The following PREP variants were observed in gnomAD, a reference collection of about 807,000 sequenced individuals.
The protein encoded by PREP is dJ355L5.1 (prolyl endopeptidase).
PREP carries 29 observed loss-of-function variants against 87.6 expected under a neutral mutation model. That is an observed-to-expected ratio of 0.33 (90% CI 0.25 to 0.45). PREP has a LOEUF of 0.45. PREP is among the 20% of genes least tolerant of loss of function. The pLI is 1.00. For missense variants in PREP, 695 were observed against 886.5 expected (o/e 0.78, Z 2.74); for synonymous variants, 337 against 328.6 (o/e 1.03, Z -0.28).
intron 10 of PREP, among the ~76,000 whole-genome samples, chr6:105,291,155 A>G (rs1770289695): frequency 6.6e-6 from 1 of 152,236 alleles, no homozygotes; most frequent in Non-Finnish European, 1.5e-5. Flanking sequence ...CTGAGACTTC[A>G]GCAAGTCATA....
At chr6:105,387,564 G>A (rs1195990166) in intron 2 of PREP, among the ~76,000 whole-genome samples, 1 of 144,930 alleles carries the variant, frequency 6.9e-6, no homozygotes, top group Admixed American at 7.1e-5. Flanking sequence ...AATTGTCACA[G>A]GCCACACATA....
At chr6:105,329,746 C>G (rs192022927) in intron 8 of PREP, among the ~76,000 whole-genome samples, 27 of 152,278 alleles carry the variant, frequency 1.8e-4, no homozygotes, top group Admixed American at 1.2e-3. Flanking sequence ...GCTAGAGAGA[C>G]AAGTAGTAAG....
At chr6:105,314,901 T>C (rs1346147838) in intron 10 of PREP, among the ~76,000 whole-genome samples, 3 of 152,192 alleles carry the variant, frequency 2.0e-5, no homozygotes, top group East Asian at 1.9e-4. Context: ...AAATTACTCC[T>C]TCATCCATGG....
chr6:105,284,417 C>T (rs752110951), intron 12 of PREP, among the ~76,000 whole-genome samples: 8 of 152,056 alleles, frequency 5.3e-5, no homozygotes, highest in Non-Finnish European at 1.2e-4. Flanking sequence ...CCCTCATGTT[C>T]GCTGATTTGA....
chr6:105,372,979 C>T (rs926059537), intron 5 of PREP, among the ~76,000 whole-genome samples: 8 of 152,190 alleles, frequency 5.3e-5, no homozygotes, highest in African/African-American at 7.2e-5. Context: ...CATTCAGCTC[C>T]CCGTCTTGCA....
chr6:105,333,064 C>T (rs1234620616), intron 8 of PREP, among the ~76,000 whole-genome samples: 3 of 152,178 alleles, frequency 2.0e-5, no homozygotes, highest in Non-Finnish European at 4.4e-5. Flanking sequence ...AAAAGCAGTA[C>T]TTTGGAAGTC....
chr6:105,338,616 G>T (rs951113077), intron 7 of PREP, among the ~76,000 whole-genome samples: 2 of 152,212 alleles, frequency 1.3e-5, no homozygotes, highest in Non-Finnish European at 2.9e-5. Context: ...AATGCAAGGG[G>T]TCGGGTAATT....
intron 9 of PREP, 102 bp from the exon 10 acceptor site, chr6:105,323,870 G>T: frequency 2.0e-6 from 2 of 988,692 alleles, no homozygotes; most frequent in Non-Finnish European, 3.2e-6. Flanking sequence ...GGCAAGAGAG[G>T]ATCATTTATC....
rs148525483 is a variant in PREP at position 105,294,847 on chromosome 6, T to G, written c.1318-5953A>C. Among the ~76,000 whole-genome samples, 1,012 of 152,338 alleles carry G rather than the reference T, an allele frequency of 6.6e-3. 4 individuals carry two copies. Among genetic ancestry groups the G allele is most frequent in the Non-Finnish European group, 0.011 (744 of 68,032 alleles). The stretch of plus-strand genomic sequence containing the variant: ...CTTTTATTTTTTTAAAAAACTCTTA[T>G]GAAGACGTTCAGTTCTTTATATTCT... On this transcript the variant is annotated intron_variant, in intron 10 of 14. Coordinates refer to ENST00000652536, the MANE Select transcript of PREP (RefSeq NM_002726.5).
rs758289427 is a variant in PREP, at chr6:105,276,410, T to G, written c.*1734A>C. ...AAGTATGGTTAGATTCTGTGCAACC[T>G]TGAAAATGCTCTGGACTCAGTGGGT... On this transcript the variant is annotated 3_prime_UTR_variant, in exon 15 of 15. Coordinates refer to ENST00000652536, the MANE Select transcript of PREP (RefSeq NM_002726.5). 6.6e-6 allele frequency among the ~76,000 whole-genome samples: 1 copy of G among 152,248 alleles called. No homozygotes were observed. The highest frequency in any genetic ancestry group is 1.5e-5 in the Non-Finnish European group (1 of 68,036).
chr6:105,381,199 A>G (rs1238601486), intron 2 of PREP, among the ~76,000 whole-genome samples: 2 of 152,362 alleles, frequency 1.3e-5, no homozygotes, highest in East Asian at 3.9e-4. Context: ...GTAAAACCAG[A>G]GTGTCCAAAT....
intron 2 of PREP, among the ~76,000 whole-genome samples, chr6:105,384,524 G>T (rs2114722154): frequency 6.6e-6 from 1 of 152,294 alleles, no homozygotes; most frequent in Non-Finnish European, 1.5e-5. Flanking sequence ...TAGATAATGT[G>T]ACAGACACCT....
intron 1 of PREP, among the ~76,000 whole-genome samples, chr6:105,402,418 T>TCA (rs36086068): frequency 0.12 from 17,833 of 147,116 alleles, 1,109 homozygotes; most frequent in South Asian, 0.18. Flanking sequence ...AAATGTGACA[T>TCA]CACACACACA....
chr6:105,402,615 C>T lies in PREP; in HGVS notation c.45+232G>A, dbSNP rs993783773. ...CCATTGATTCTAGGAAGCGGCCGGG[C>T]GGCGCTGCCCACAGGCTCCGCCGCC... On this transcript the variant is annotated intron_variant, in intron 1 of 14. Coordinates refer to ENST00000652536, the MANE Select transcript of PREP (RefSeq NM_002726.5). 5.3e-5 allele frequency among the ~76,000 whole-genome samples: 8 copies of T among 152,264 alleles called. No homozygotes were observed. The East Asian group carries it at 1.4e-3, about 26-fold the overall frequency.
In PREP at chr6:105,278,003, C is replaced by CGGCAGTTCT. The variant is rs1769983237; in HGVS notation, c.*132_*140dup. 20 of 1,165,014 alleles carry CGGCAGTTCT rather than the reference C, an allele frequency of 1.7e-5. No individual in the cohort carries two copies. The South Asian group carries it at 2.8e-4, about 17-fold the overall frequency. 72.2% of individuals were successfully genotyped at this position (1,165,014 alleles called of 1,614,324 possible). A position where few individuals can be genotyped will look rare whatever the true frequency, so the allele number is the denominator to read the frequency against. On this transcript the variant is annotated 3_prime_UTR_variant, in exon 15 of 15. Coordinates refer to ENST00000652536, the MANE Select transcript of PREP (RefSeq NM_002726.5). This position sits in a 1 kb window ranked among gnomAD's most constrained non-coding sequence, Gnocchi z 4.2. The stretch of plus-strand genomic sequence containing the variant: ...AAGCCTAAAAAAGATAAAATTCCCA[C>CGGCAGTTCT]GGCAGTTCTGTTCAACTGTAGCCTG...
chr6:105,355,210 C>T (rs1032929990), intron 6 of PREP, among the ~76,000 whole-genome samples: 1 of 151,656 alleles, frequency 6.6e-6, no homozygotes, highest in Non-Finnish European at 1.5e-5. Flanking sequence ...CTCAGCCTCC[C>T]GAGTAGCTGG....
In PREP at chr6:105,283,070, G is replaced by A. The variant is rs534663556; in HGVS notation, c.1550-488C>T. Among the ~76,000 whole-genome samples the A allele has an allele frequency of 3.9e-5, 6 of 152,336 alleles. No homozygotes were observed. The East Asian group carries it at 9.6e-4, about 24-fold the overall frequency. On this transcript the variant is annotated intron_variant, in intron 12 of 14. Transcript: ENST00000652536. ...AGGTGGAAGCGCTCTGCAGAGGCAC[G>A]CTTCCCACCCCACCTCTGCAGGAGT...
chr6:105,371,857 C>A (rs1445277754), intron 5 of PREP, among the ~76,000 whole-genome samples: 1 of 152,098 alleles, frequency 6.6e-6, no homozygotes, highest in Non-Finnish European at 1.5e-5. Context: ...TATTTTGTGC[C>A]ACTGAAAGCT....
Position 105,274,086 on chromosome 6 carries a change from A to T in PREP, c.*4058T>A, listed in dbSNP as rs1203984422. 6.6e-6 allele frequency among the ~76,000 whole-genome samples: 1 copy of T among 152,158 alleles called. No individual in the cohort carries two copies. Among genetic ancestry groups the T allele is most frequent in the Non-Finnish European group, 1.5e-5 (1 of 68,032 alleles). ...TTATACTTTGTTTATTATCTTGTTA[A>T]TAGACTCGTGGGTATCTTAGTCTGT... On this transcript the variant is annotated 3_prime_UTR_variant, in exon 15 of 15. Coordinates refer to ENST00000652536, the MANE Select transcript of PREP (RefSeq NM_002726.5).
Sources: allele counts gnomAD v4.1 joint callset (sites outside exome capture counted in the v4.1 genomes callset), GRCh38; gene constraint gnomAD v4.1.1; non-coding constraint Gnocchi (gnomAD v3.1); transcripts MANE v1.5; gene names NCBI Gene and HGNC (gene_info 2026-07-23, HGNC 2026-07-21).